Variants in HIF1AN observed in about 807,000 individuals in gnomAD.
HIF1AN encodes hypoxia-inducible factor 1-alpha inhibitor.
HIF1AN carries 21 observed loss-of-function variants against 47.7 expected under a neutral mutation model. That is an observed-to-expected ratio of 0.44 (90% confidence interval 0.31 to 0.63). The LOEUF (loss-of-function observed/expected upper bound fraction) is 0.63. HIF1AN is among the 30% of genes least tolerant of loss of function. The probability of loss-of-function intolerance (pLI) is 0.07; values close to 1 mark genes in which losing one functional copy is unlikely to be tolerated. For synonymous variants in HIF1AN, 152 were observed against 155.9 expected (o/e 0.98, Z 0.18); for missense variants, 320 against 432.7 (o/e 0.74, Z 2.31).
intron 7 of HIF1AN, 61 bp downstream of exon 7, chr10:100,547,311 G>A (rs780086954): frequency 5.1e-6 from 5 of 980,160 alleles, no homozygotes; most frequent in Non-Finnish European, 6.5e-6. Flanking sequence ...CAGGATCAGA[G>A]CGACATTCTT....
intron 3 of HIF1AN, among the ~76,000 whole-genome samples, chr10:100,543,904 C>T (rs960704224): frequency 1.3e-5 from 2 of 152,256 alleles, no homozygotes; most frequent in African/African-American, 2.4e-5. Flanking sequence ...CTGTTGCCTG[C>T]GTTTCCTGTG....
chr10:100,539,675 T>G (rs965033984), intron 2 of HIF1AN, among the ~76,000 whole-genome samples: 1 of 152,238 alleles, frequency 6.6e-6, no homozygotes, highest in Non-Finnish European at 1.5e-5. Context: ...TAGTGGTAAC[T>G]TGTTCTTAAA....
intron 1 of HIF1AN, 123 bp from the exon 2 acceptor site, chr10:100,536,288 G>T: frequency 7.3e-7 from 1 of 1,361,418 alleles, no homozygotes; most frequent in East Asian, 2.3e-5. Context: ...GAACTTAGGG[G>T]TTCGTGCTGA....
intron 2 of HIF1AN, 61 bp downstream of exon 2, chr10:100,536,722 T>C: frequency 1.3e-6 from 2 of 1,585,434 alleles, no homozygotes; most frequent in Middle Eastern, 1.7e-4. Flanking sequence ...TTTCCTATAC[T>C]TGTTTGAAGG....
chr10:100,545,040 C>G lies in HIF1AN; in HGVS notation c.667C>G (p.Gln223Glu). ...YKRCILFPPDQFECLYPYPVH... is the reference protein window; with the variant it reads ...YKRCILFPPDEFECLYPYPVH... ...ACGATGCATCTTATTCCCTCCGGAT[C>G]AGTTCGAGTGCCTCTACCCATACCC... is the stretch of plus-strand genomic sequence containing the variant. Residue 223 changes from glutamine (Q) to glutamate (E), a missense_variant, in exon 4 of 8, where the codon CAG becomes GAG. Around this residue, in one of 2 missense-constraint regions of HIF1AN, gnomAD observed 161 missense variants for 272.8 expected, o/e 0.59. Transcript: ENST00000299163. 4 of 1,614,214 alleles carry G rather than the reference C, an allele frequency of 2.5e-6. No homozygotes were observed. The highest frequency in any genetic ancestry group is 1.7e-6 in the Non-Finnish European group (2 of 1,180,040).
At position 100,552,471 on chromosome 10, in the gene HIF1AN, T is replaced by G. The variant is rs1475739761; in HGVS notation, c.*4334T>G. On this transcript the variant is annotated 3_prime_UTR_variant, in exon 8 of 8. Coordinates refer to ENST00000299163, the MANE Select transcript of HIF1AN (RefSeq NM_017902.3). Reference sequence around the variant, plus strand: ...TAGCTCAGGGCTCCAGAGTCTGGCCTTTCAGCTGGTGTCTTACTCCCCTTT... The same window carrying G: ...TAGCTCAGGGCTCCAGAGTCTGGCCGTTCAGCTGGTGTCTTACTCCCCTTT... 6.6e-6 allele frequency: 1 copy of G among 152,492 alleles called. No homozygotes were observed. The highest frequency in any genetic ancestry group is 2.4e-5 in the African/African-American group (1 of 41,464). 9.4% of individuals were successfully genotyped at this position (152,492 alleles called of 1,614,324 possible).
rs1035944134 is a variant in HIF1AN, at chr10:100,549,033, C to T, written c.*896C>T. The T allele has an allele frequency of 2.6e-5, 4 of 151,092 alleles. No homozygotes were observed. The highest frequency in any genetic ancestry group is 1.9e-4 in the East Asian group (1 of 5,152). 9.4% of individuals were successfully genotyped at this position (151,092 alleles called of 1,614,324 possible). A position where few individuals can be genotyped will look rare whatever the true frequency, so the allele number is the denominator to read the frequency against. On this transcript the variant is annotated 3_prime_UTR_variant, in exon 8 of 8. Coordinates refer to ENST00000299163, the MANE Select transcript of HIF1AN (RefSeq NM_017902.3). ...TGTGTGCGTATCCACACTAGGGGTG[C>T]AAGCCTCTGGGTGTGTGTGTGTGTG...
In HIF1AN at chr10:100,535,943, G is replaced by C; in HGVS notation, c.-16G>C. ...GGAGCTTCCGGTTCCGGTGGGGGCC[G>C]TCCCTGGCGGCGGAGATGGCGGCGA... On this transcript the variant is annotated 5_prime_UTR_variant, in exon 1 of 8. Transcript: ENST00000299163. The C allele has an allele frequency of 6.5e-6, 10 of 1,545,840 alleles. No individual in the cohort carries two copies. Among genetic ancestry groups the C allele is most frequent in the Middle Eastern group, 1.7e-4 (1 of 5,964 alleles).
chr10:100,536,224 C>A, intron 1 of HIF1AN, 89 bp downstream of exon 1: 1 of 1,376,106 alleles, frequency 7.3e-7, no homozygotes, highest in African/African-American at 1.4e-5. Flanking sequence ...GGGAGACTGG[C>A]AGGGCTCTAG....
Position 100,545,067 on chromosome 10 carries a change from G to T in HIF1AN, c.694G>T (p.Val232Phe). Residue 232 changes from valine (V) to phenylalanine (F), a missense_variant, in exon 4 of 8, where the codon GTT (valine) becomes TTT (phenylalanine). Transcript: ENST00000299163. ...GTTCGAGTGCCTCTACCCATACCCT[G>T]TTCATCACCCATGTGACAGACAGAG... ...DQFECLYPYP[V>F]HHPCDRQSQV... 1 of 1,614,146 alleles carries T rather than the reference G, an allele frequency of 6.2e-7. No individual in the cohort carries two copies. Among genetic ancestry groups the T allele is most frequent in the East Asian group, 2.2e-5 (1 of 44,884 alleles).
intron 4 of HIF1AN, 52 bp from the exon 5 acceptor site, chr10:100,545,891 C>A: frequency 8.5e-7 from 1 of 1,179,158 alleles, no homozygotes; most frequent in Non-Finnish European, 1.3e-6. Context: ...AGTAGTTTTA[C>A]TGGTGAAGAT....
chr10:100,547,004 T>G (rs1169214569), intron 6 of HIF1AN, 136 bp from the exon 7 acceptor site: 3 of 640,288 alleles, frequency 4.7e-6, no homozygotes, highest in Non-Finnish European at 8.1e-6. Context: ...CCTCCCAAAG[T>G]GCTGGGATTA....
intron 6 of HIF1AN, 135 bp from the exon 7 acceptor site, chr10:100,547,005 G>T (rs1843100262): frequency 1.5e-6 from 1 of 645,932 alleles, no homozygotes; most frequent in Non-Finnish European, 2.7e-6. Context: ...CTCCCAAAGT[G>T]CTGGGATTAT....
chr10:100,547,283 G>A (rs1484428734), intron 7 of HIF1AN, 33 bp downstream of exon 7: 1 of 1,397,894 alleles, frequency 7.2e-7, no homozygotes, highest in African/African-American at 1.4e-5. Flanking sequence ...CTCAGTGGGT[G>A]GGTTGACCAA....
rs1843112236 is a variant in HIF1AN at position 100,548,133 on chromosome 10, A to G, written c.1046A>G (p.Asn349Ser). 1.2e-6 allele frequency: 2 copies of G among 1,610,090 alleles called. No homozygotes were observed. Among genetic ancestry groups the G allele is most frequent in the African/African-American group, 1.3e-5 (1 of 74,900 alleles). ...AACACAATGATCAAGGGCCGATACA[A>G]CTAGCCTGCCAGGGGTCAAGGCCTC... ...LLNTMIKGRY[N>S] is the part of the protein sequence containing the mutation. Residue 349 changes from asparagine to serine, a missense_variant, in exon 8 of 8, where the codon AAC (asparagine) becomes AGC (serine). Asn to Ser is a conservative substitution (Grantham distance 46, BLOSUM62 1). Coordinates refer to ENST00000299163, the MANE Select transcript of HIF1AN (RefSeq NM_017902.3).
In HIF1AN at chr10:100,548,964, G is replaced by A. The variant is rs1462597945; in HGVS notation, c.*827G>A. 6.6e-6 allele frequency: 1 copy of A among 152,328 alleles called. No individual in the cohort carries two copies. The highest frequency in any genetic ancestry group is 1.5e-5 in the Non-Finnish European group (1 of 68,176). The allele number at this position is 152,328 out of a possible 1,614,324, so 9.4% of individuals were successfully genotyped here. A position where few individuals can be genotyped will look rare whatever the true frequency, so the allele number is the denominator to read the frequency against. On this transcript the variant is annotated 3_prime_UTR_variant, in exon 8 of 8. Coordinates refer to ENST00000299163, the MANE Select transcript of HIF1AN (RefSeq NM_017902.3). ...GTTCTCCTAGCTGTGGCTTCTCTAG[G>A]TTCTAGGGGTGCAAGCCTCTGTGTG...
Position 100,550,483 on chromosome 10 carries a change from T to C in HIF1AN, c.*2346T>C, listed in dbSNP as rs1302022979. The C allele has an allele frequency of 6.6e-6, 1 of 152,274 alleles. No individual in the cohort carries two copies. Among genetic ancestry groups the C allele is most frequent in the African/African-American group, 2.4e-5 (1 of 41,450 alleles). 9.4% of individuals were successfully genotyped at this position (152,274 alleles called of 1,614,324 possible). A position where few individuals can be genotyped will look rare whatever the true frequency, so the allele number is the denominator to read the frequency against. On this transcript the variant is annotated 3_prime_UTR_variant, in exon 8 of 8. Transcript: ENST00000299163. ...GTTAGGCTGCAAACCCCTTGCTCCT[T>C]CCTTTCCACCAAACTATGTTGATTT...
chr10:100,548,886 A>G lies in HIF1AN; in HGVS notation c.*749A>G, dbSNP rs1843122795. 1 of 152,598 alleles carries G rather than the reference A, an allele frequency of 6.6e-6. No individual in the cohort carries two copies. The highest frequency in any genetic ancestry group is 1.5e-5 in the Non-Finnish European group (1 of 68,036). The allele number at this position is 152,598 out of a possible 1,614,324, so 9.5% of individuals were successfully genotyped here. ...CATAAGTTCTAAATTAGAGACACAT[A>G]TAGTTTCTCTCTTTCAGCACCAGCT... On this transcript the variant is annotated 3_prime_UTR_variant, in exon 8 of 8. Coordinates refer to ENST00000299163, the MANE Select transcript of HIF1AN (RefSeq NM_017902.3).
chr10:100,546,085 G>A (rs1314414622), intron 5 of HIF1AN, 36 bp downstream of exon 5: 7 of 1,390,506 alleles, frequency 5.0e-6, no homozygotes, highest in South Asian at 2.4e-5. Context: ...CTTTTTGGGA[G>A]CTTTCTTTTC....
Sources: allele counts gnomAD v4.1 joint callset (sites outside exome capture counted in the v4.1 genomes callset), GRCh38; gene constraint gnomAD v4.1.1; regional missense constraint gnomAD v4.1.1; transcripts MANE v1.5; gene names NCBI Gene and HGNC (gene_info 2026-07-23, HGNC 2026-07-21).